GRB14: variants seen among roughly 807,000 people sequenced by gnomAD.
GRB14 encodes growth factor receptor-bound protein 14.
GRB14 carries 38 observed loss-of-function variants against 69.1 expected under a neutral mutation model. That is an observed-to-expected ratio of 0.55 (90% CI 0.42 to 0.72). The LOEUF is 0.72. GRB14 is among the 30% of genes least tolerant of loss of function. GRB14 has a pLI of 0.00. For missense variants in GRB14, 666 were observed against 666.1 expected (o/e 1.00, Z 0.00); for synonymous variants, 247 against 241.3 (o/e 1.02, Z -0.22).
intron 3 of GRB14, among the ~76,000 whole-genome samples, chr2:164,545,012 C>T (rs1447950293): frequency 6.6e-6 from 1 of 152,212 alleles, no homozygotes; most frequent in Non-Finnish European, 1.5e-5. Flanking sequence ...TTGAACAGAA[C>T]CTTTCATTGG....
rs1688048946 is a variant in GRB14 at position 164,535,158 on chromosome 2, C to T, written c.482-8023G>A. The stretch of plus-strand genomic sequence containing the variant: ...TTTTCAAAACAAAAACAAAAATTTC[C>T]TATTGCCTTAAGTTGTGTTTTTTGT... On this transcript the variant is annotated intron_variant, in intron 3 of 13. Transcript: ENST00000263915. 2.0e-5 allele frequency among the ~76,000 whole-genome samples: 3 copies of T among 151,960 alleles called. No individual in the cohort carries two copies. The South Asian group carries it at 6.2e-4, about 32-fold the overall frequency.
At chr2:164,517,547 G>A (rs925570991) in intron 6 of GRB14, among the ~76,000 whole-genome samples, 1 of 152,288 alleles carries the variant, frequency 6.6e-6, no homozygotes, top group Admixed American at 6.5e-5. Context: ...TGGCCTAAAT[G>A]TTCCACTTAA....
chr2:164,558,513 G>T (rs550489277), intron 2 of GRB14, among the ~76,000 whole-genome samples: 16 of 152,064 alleles, frequency 1.1e-4, no homozygotes, highest in Admixed American at 2.6e-4. Flanking sequence ...TAAAGTTTCC[G>T]ATGATTTCAT....
chr2:164,615,490 T>C (rs1334514880), intron 2 of GRB14, among the ~76,000 whole-genome samples: 1 of 152,220 alleles, frequency 6.6e-6, no homozygotes, highest in Non-Finnish European at 1.5e-5. Context: ...ACATGTATTA[T>C]TATACTACTC....
At chr2:164,511,155 C>T (rs1450418610) in intron 6 of GRB14, among the ~76,000 whole-genome samples, 1 of 152,164 alleles carries the variant, frequency 6.6e-6, no homozygotes, top group Non-Finnish European at 1.5e-5. Flanking sequence ...GCTCTGAGCC[C>T]TAAATAGACA....
chr2:164,541,397 G>C (rs1688235976), intron 3 of GRB14, among the ~76,000 whole-genome samples: 1 of 151,788 alleles, frequency 6.6e-6, no homozygotes, highest in Admixed American at 6.6e-5. Context: ...ACTTGAACTT[G>C]GGAGGCGAAG....
In GRB14 at chr2:164,621,018, G is replaced by C; in HGVS notation, c.191+101C>G. On this transcript the variant is annotated intron_variant, in intron 1 of 13. Coordinates refer to ENST00000263915, the MANE Select transcript of GRB14 (RefSeq NM_004490.3). This position sits in a 1 kb window ranked among gnomAD's most constrained non-coding sequence, Gnocchi z 6.0. ...GTCTTCAGAGACTTTTACAAACTTG[G>C]CCCAGCTCTGGGCACATGGCTCACC... The C allele has an allele frequency of 9.8e-7, 1 of 1,022,634 alleles. No homozygotes were observed. Among genetic ancestry groups the C allele is most frequent in the Non-Finnish European group, 1.3e-6 (1 of 791,044 alleles). The allele number at this position is 1,022,634 out of a possible 1,614,324, so 63.3% of individuals were successfully genotyped here.
chr2:164,601,881 G>A (rs544897639), intron 2 of GRB14, among the ~76,000 whole-genome samples: 64 of 151,660 alleles, frequency 4.2e-4, no homozygotes, highest in Non-Finnish European at 7.8e-4. Flanking sequence ...TTTAAATTTT[G>A]TTTAATTATT....
At chr2:164,507,842 A>G (rs1687232317) in intron 8 of GRB14, among the ~76,000 whole-genome samples, 1 of 152,206 alleles carries the variant, frequency 6.6e-6, no homozygotes, top group South Asian at 2.1e-4. Flanking sequence ...TCTGGAAGAC[A>G]TCAGTTCTGC....
At chr2:164,610,913 A>G (rs1278280935) in intron 2 of GRB14, among the ~76,000 whole-genome samples, 1 of 146,560 alleles carries the variant, frequency 6.8e-6, no homozygotes. Flanking sequence ...AGGCTGGTCA[A>G]AAAAAAAAAA....
chr2:164,553,384 T>C (rs1688594286), intron 2 of GRB14, among the ~76,000 whole-genome samples: 1 of 152,196 alleles, frequency 6.6e-6, no homozygotes, highest in African/African-American at 2.4e-5. Context: ...CTGGAATAAG[T>C]GCATATATTT....
At chr2:164,504,022 G>C (rs958601849) in intron 8 of GRB14, among the ~76,000 whole-genome samples, 2 of 152,064 alleles carry the variant, frequency 1.3e-5, no homozygotes, top group Non-Finnish European at 2.9e-5. Context: ...AGTTCTAATT[G>C]AAGGGAAGGA....
At chr2:164,547,106 T>C (rs1688399902) in intron 3 of GRB14, among the ~76,000 whole-genome samples, 1 of 151,284 alleles carries the variant, frequency 6.6e-6, no homozygotes, top group Non-Finnish European at 1.5e-5. Context: ...AGAAGCCAGG[T>C]AAAGAAGGCT....
chr2:164,534,202 G>C (rs967919097), intron 3 of GRB14, among the ~76,000 whole-genome samples: 8 of 152,200 alleles, frequency 5.3e-5, no homozygotes, highest in Admixed American at 3.9e-4. Context: ...TACTAGCCTG[G>C]TAATGAAGAT....
intron 3 of GRB14, among the ~76,000 whole-genome samples, chr2:164,531,933 A>T (rs949597070): frequency 3.9e-5 from 6 of 152,222 alleles, no homozygotes; most frequent in African/African-American, 1.4e-4. Context: ...AGTCCACAGC[A>T]TCCCAGTACG....
At chr2:164,530,796 A>G (rs913111037) in intron 3 of GRB14, among the ~76,000 whole-genome samples, 1 of 152,206 alleles carries the variant, frequency 6.6e-6, no homozygotes, top group Admixed American at 6.5e-5. Context: ...TGCAGTCTAT[A>G]GTAAGGGCTA....
At chr2:164,510,334 TG>T (rs1559026376) in intron 6 of GRB14, among the ~76,000 whole-genome samples, 2 of 152,198 alleles carry the variant, frequency 1.3e-5, no homozygotes. Context: ...TATAAGGCTA[TG>T]AAGTTGAACG....
intron 12 of GRB14, among the ~76,000 whole-genome samples, chr2:164,495,814 C>T (rs1208365730): frequency 6.6e-6 from 1 of 152,196 alleles, no homozygotes; most frequent in African/African-American, 2.4e-5. Flanking sequence ...CCACTACCAC[C>T]TAGTGGATCA....
chr2:164,584,253 C>A (rs977251660), intron 2 of GRB14, among the ~76,000 whole-genome samples: 12 of 149,302 alleles, frequency 8.0e-5, no homozygotes, highest in Non-Finnish European at 1.5e-4. Flanking sequence ...AATCCACCTG[C>A]CTCAGCCTCC....
Sources: allele counts gnomAD v4.1 joint callset (sites outside exome capture counted in the v4.1 genomes callset), GRCh38; gene constraint gnomAD v4.1.1; non-coding constraint Gnocchi (gnomAD v3.1); transcripts MANE v1.5; gene names NCBI Gene and HGNC (gene_info 2026-07-23, HGNC 2026-07-21).